The following CYSTM1 variants were observed in gnomAD, a reference collection of about 807,000 sequenced individuals.
The protein encoded by CYSTM1 is cysteine-rich transmembrane module-containing protein 1.
CYSTM1 carries 4 observed loss-of-function variants against 13.1 expected under a neutral mutation model. The observed-to-expected ratio is 0.31, with a 90% confidence interval of 0.15 to 0.70. CYSTM1 has a LOEUF of 0.70. Ranked by LOEUF, CYSTM1 falls within the 30% of genes least tolerant of loss-of-function variation. The pLI, the probability that CYSTM1 is intolerant of heterozygous loss-of-function variation, is 0.72. For missense variants in CYSTM1, 96 were observed against 121.6 expected, an observed-to-expected ratio of 0.79 and a Z score of 0.99; for synonymous variants, 36 against 42.7, an observed-to-expected ratio of 0.84 and a Z score of 0.62.
rs181571032 is a variant in CYSTM1 at position 140,230,863 on chromosome 5, T to G, written c.188-12442T>G. On this transcript the variant is annotated intron_variant, in intron 2 of 2. Transcript: ENST00000261811. The surrounding 1 kb of genome is among the most constrained non-coding windows in gnomAD (Gnocchi z 4.1). ...TTAGAATATGAGCTAGAATCAGGAATCTGGTGTGATGTGTACCCTCCTTCC... is the reference window on the plus strand; with the variant it reads ...TTAGAATATGAGCTAGAATCAGGAAGCTGGTGTGATGTGTACCCTCCTTCC... 2.0e-5 allele frequency among the ~76,000 whole-genome samples: 3 copies of G among 152,336 alleles called. No homozygotes were observed. Among genetic ancestry groups the G allele is most frequent in the African/African-American group, 7.2e-5 (3 of 41,568 alleles).
At chr5:140,234,392 C>T (rs1047971068) in intron 2 of CYSTM1, among the ~76,000 whole-genome samples, 1 of 152,170 alleles carries the variant, frequency 6.6e-6, no homozygotes, top group Admixed American at 6.5e-5. Context: ...TTTTAGTTCT[C>T]TTTCCTTTCC....
At chr5:140,206,998 G>T (rs1268144436) in intron 2 of CYSTM1, among the ~76,000 whole-genome samples, 1 of 152,060 alleles carries the variant, frequency 6.6e-6, no homozygotes, top group Non-Finnish European at 1.5e-5. Context: ...ACATCTCTGA[G>T]CACATATCCT....
intron 1 of CYSTM1, among the ~76,000 whole-genome samples, chr5:140,188,793 A>AAG (rs1163274197): frequency 6.6e-6 from 1 of 151,898 alleles, no homozygotes; most frequent in Non-Finnish European, 1.5e-5. Flanking sequence ...AAAAAAAAAA[A>AAG]AAAGAAATAC....
At chr5:140,176,205 G>A (rs1763881503) in intron 1 of CYSTM1, among the ~76,000 whole-genome samples, 3 of 152,070 alleles carry the variant, frequency 2.0e-5, no homozygotes, top group Non-Finnish European at 2.9e-5. Context: ...TTGGTGTGAG[G>A]GGAACACTGA....
chr5:140,215,046 G>A (rs920485489), intron 2 of CYSTM1, among the ~76,000 whole-genome samples: 1 of 152,234 alleles, frequency 6.6e-6, no homozygotes, highest in Non-Finnish European at 1.5e-5. Context: ...TAGGCACCTA[G>A]TGCAATCTTC....
intron 1 of CYSTM1, among the ~76,000 whole-genome samples, chr5:140,177,067 T>TAAAAA (rs1763897611): frequency 1.3e-4 from 2 of 14,922 alleles, no homozygotes; most frequent in African/African-American, 6.3e-4. Flanking sequence ...AGACTCTGTC[T>TAAAAA]CAAAAAAAAA....
At chr5:140,182,486 A>G (rs1581057387) in intron 1 of CYSTM1, among the ~76,000 whole-genome samples, 1 of 152,298 alleles carries the variant, frequency 6.6e-6, no homozygotes, top group Non-Finnish European at 1.5e-5. Flanking sequence ...GTGAGGCTGT[A>G]TACTATATTA....
At chr5:140,242,444 T>G (rs1306265241) in intron 2 of CYSTM1, among the ~76,000 whole-genome samples, 3 of 152,198 alleles carry the variant, frequency 2.0e-5, no homozygotes, top group African/African-American at 7.2e-5. Context: ...ATTCATGAAC[T>G]TTGGAAAAGT....
At chr5:140,242,007 C>A (rs143082639) in intron 2 of CYSTM1, among the ~76,000 whole-genome samples, 122 of 152,328 alleles carry the variant, frequency 8.0e-4, no homozygotes, top group African/African-American at 2.8e-3. Context: ...CCTCGAATTC[C>A]TTGCCTGTGA....
chr5:140,179,084 C>T (rs34994530), intron 1 of CYSTM1, among the ~76,000 whole-genome samples: 29,341 of 150,878 alleles, frequency 0.19, 3,021 homozygotes, highest in South Asian at 0.24. Flanking sequence ...CACAGGGAGA[C>T]CCCATAGCTA....
Position 140,194,403 on chromosome 5 carries a change from CCA to C in CYSTM1, c.-20-40_-20-39del. 3.4e-6 allele frequency: 5 copies of C among 1,481,468 alleles called. No homozygotes were observed. In the South Asian group the frequency reaches 5.4e-5, roughly 16 times the overall value. 91.8% of individuals were successfully genotyped at this position (1,481,468 alleles called of 1,614,324 possible). On this transcript the variant is annotated intron_variant, in intron 1 of 2. Coordinates refer to ENST00000261811, the MANE Select transcript of CYSTM1 (RefSeq NM_032412.4). ...GTTAGGATTTTATTCCTGATGATTT[CCA>C]CAGTTAAATGCAAATAATTTTCATT...
At chr5:140,207,551 A>G (rs1356286023) in intron 2 of CYSTM1, among the ~76,000 whole-genome samples, 1 of 152,214 alleles carries the variant, frequency 6.6e-6, no homozygotes, top group Non-Finnish European at 1.5e-5. Flanking sequence ...TGGATGTGCC[A>G]AAGTAGGAAC....
intron 1 of CYSTM1, among the ~76,000 whole-genome samples, chr5:140,193,519 C>T (rs1224019307): frequency 5.3e-5 from 8 of 152,240 alleles, no homozygotes; most frequent in African/African-American, 1.7e-4. Flanking sequence ...CAACGTGATC[C>T]GCCCGCCTCG....
rs1491329247 is a variant in CYSTM1 at position 140,177,069 on chromosome 5, A to AAAAAAAAAAACAAAAACAAAAC, written c.-21+1794_-21+1795insCAAAAACAAAACAAAAAAAAAA. ...GGGCGACAGAGCGAGACTCTGTCTC[A>AAAAAAAAAAACAAAAACAAAAC]AAAAAAAAAAAAAAAAAATCTCTAG... On this transcript the variant is annotated intron_variant, in intron 1 of 2. Coordinates refer to ENST00000261811, the MANE Select transcript of CYSTM1 (RefSeq NM_032412.4). Among the ~76,000 whole-genome samples the AAAAAAAAAAACAAAAACAAAAC allele has an allele frequency of 2.7e-3, 97 of 35,388 alleles. 3 individuals are homozygous for AAAAAAAAAAACAAAAACAAAAC. Among genetic ancestry groups the AAAAAAAAAAACAAAAACAAAAC allele is most frequent in the African/African-American group, 0.011 (96 of 8,536 alleles). 23.2% of individuals were successfully genotyped at this position (35,388 alleles called of 152,430 possible).
intron 2 of CYSTM1, among the ~76,000 whole-genome samples, chr5:140,232,035 T>C (rs1484552700): frequency 6.6e-6 from 1 of 152,134 alleles, no homozygotes; most frequent in Non-Finnish European, 1.5e-5. Flanking sequence ...TTTGAGATAT[T>C]GGGAAGTAAA....
chr5:140,235,271 C>G (rs974034749), intron 2 of CYSTM1, among the ~76,000 whole-genome samples: 2 of 151,434 alleles, frequency 1.3e-5, no homozygotes, highest in Non-Finnish European at 2.9e-5. Context: ...CCCAGCCAGC[C>G]TCATTCATAA....
At chr5:140,193,161 A>G (rs1328532110) in intron 1 of CYSTM1, among the ~76,000 whole-genome samples, 1 of 152,250 alleles carries the variant, frequency 6.6e-6, no homozygotes, top group Non-Finnish European at 1.5e-5. Flanking sequence ...CAAATAGGTA[A>G]AAAGTTAACT....
chr5:140,189,353 G>A (rs1764062513), intron 1 of CYSTM1, among the ~76,000 whole-genome samples: 1 of 151,688 alleles, frequency 6.6e-6, no homozygotes, highest in African/African-American at 2.4e-5. Context: ...ATCATGTGAT[G>A]TGCCTGCTTC....
chr5:140,198,872 G>C (rs567457591), intron 2 of CYSTM1, among the ~76,000 whole-genome samples: 1 of 152,236 alleles, frequency 6.6e-6, no homozygotes, highest in South Asian at 2.1e-4. Flanking sequence ...GTGCAGGTTT[G>C]TTACATAGGT....
Sources: gnomAD v4.1 joint callset for allele counts (sites outside exome capture counted in the v4.1 genomes callset) on GRCh38, gnomAD v4.1.1 for gene constraint, Gnocchi (gnomAD v3.1) non-coding constraint, MANE v1.5 for transcripts, NCBI Gene and HGNC (gene_info 2026-07-23, HGNC 2026-07-21) for gene names.